Variants in CHODL observed in about 807,000 individuals in gnomAD.
CHODL encodes the protein transmembrane protein MT75.
Under a neutral mutation model 34.5 loss-of-function variants are expected in CHODL, and 29 were observed. That is an observed-to-expected ratio of 0.84 (90% CI 0.63 to 1.15). The LOEUF is 1.15. Among genes scored for constraint, CHODL ranks in the 50% most tolerant of loss-of-function variants. The pLI is 0.00. For synonymous variants in CHODL, 125 were observed against 116.1 expected (o/e 1.08, Z -0.49); for missense variants, 332 against 332.5 (o/e 1.00, Z 0.01).
chr21:17,981,469 G>C (rs1220813386), intron 1 of CHODL, among the ~76,000 whole-genome samples: 1 of 152,178 alleles, frequency 6.6e-6, no homozygotes, highest in Non-Finnish European at 1.5e-5. Flanking sequence ...GGAAACAGAA[G>C]TGACAGCTGA....
chr21:17,956,349 C>T (rs1433858012), intron 1 of CHODL, among the ~76,000 whole-genome samples: 1 of 136,214 alleles, frequency 7.3e-6, no homozygotes, highest in Non-Finnish European at 1.7e-5. Flanking sequence ...AATTGAAAGC[C>T]TCCTGAGGCC....
intron 2 of CHODL, among the ~76,000 whole-genome samples, chr21:18,093,820 A>T (rs1033603854): frequency 3.3e-5 from 5 of 152,126 alleles, no homozygotes; most frequent in African/African-American, 1.2e-4. Flanking sequence ...AGGAAAGAAG[A>T]AAGAGACGAC....
intron 2 of CHODL, among the ~76,000 whole-genome samples, chr21:18,206,287 T>C (rs547801434): frequency 6.6e-6 from 1 of 152,318 alleles, no homozygotes; most frequent in Admixed American, 6.5e-5. Context: ...TTAGCTTTAA[T>C]AATATTTGCT....
At chr21:18,247,074 T>C (rs2074150218) in intron 1 of CHODL, among the ~76,000 whole-genome samples, 1 of 152,204 alleles carries the variant, frequency 6.6e-6, no homozygotes, top group South Asian at 2.1e-4. Context: ...ATAAATTGAT[T>C]TGTGACTTTT....
chr21:18,006,008 C>T (rs1205691437), intron 1 of CHODL, among the ~76,000 whole-genome samples: 2 of 152,124 alleles, frequency 1.3e-5, no homozygotes, highest in South Asian at 2.1e-4. Flanking sequence ...GTGCTGTTCT[C>T]AAGATAGTGA....
upstream of CHODL, among the ~76,000 whole-genome samples, chr21:18,244,319 G>A (rs2074110125): frequency 6.6e-6 from 1 of 152,098 alleles, no homozygotes; most frequent in South Asian, 2.1e-4. Context: ...TGCTCTTGTG[G>A]CAGTTTTCGT....
At chr21:18,230,929 A>AT (rs201892839) in intron 2 of CHODL, among the ~76,000 whole-genome samples, 2 of 151,906 alleles carry the variant, frequency 1.3e-5, no homozygotes, top group East Asian at 1.9e-4. Context: ...CTATTTTATG[A>AT]TTTTTTTTCT....
In CHODL at chr21:18,260,241, A is replaced by G; in HGVS notation, c.589A>G (p.Asn197Asp). 2 of 1,582,578 alleles carry G rather than the reference A, an allele frequency of 1.3e-6. No homozygotes were observed. Among genetic ancestry groups the G allele is most frequent in the Non-Finnish European group, 1.7e-6 (2 of 1,167,424 alleles). The change falls in exon 4 of 6, where the codon AAT becomes GAT. Residue 197 changes from asparagine (N) to aspartate (D), a missense_variant. By Grantham distance (23) the Asn-to-Asp change is conservative. Transcript: ENST00000299295. ...TAPVEKPYLT[N>D]QPGDTHQNVV... The stretch of plus-strand genomic sequence containing the variant: ...CCCTGTAGAAAAGCCTTATCTTACA[A>G]ATCAACCAGGAGACACCCATCAGAA...
At chr21:18,005,900 C>T (rs1056116895) in intron 1 of CHODL, among the ~76,000 whole-genome samples, 4 of 152,184 alleles carry the variant, frequency 2.6e-5, no homozygotes, top group Non-Finnish European at 5.9e-5. Context: ...GCTATGTCCC[C>T]ACCCAAATCT....
intron 2 of CHODL, among the ~76,000 whole-genome samples, chr21:18,052,777 C>T (rs1220275050): frequency 6.6e-6 from 1 of 151,870 alleles, no homozygotes; most frequent in African/African-American, 2.4e-5. Flanking sequence ...CATCTCTGAC[C>T]AATATTTGGA....
chr21:18,076,420 A>G (rs1027566983), intron 2 of CHODL, among the ~76,000 whole-genome samples: 8 of 152,222 alleles, frequency 5.3e-5, no homozygotes, highest in African/African-American at 1.7e-4. Flanking sequence ...TGTAAGATGA[A>G]ATTGGATATT....
intron 2 of CHODL, among the ~76,000 whole-genome samples, chr21:18,202,097 G>A (rs1004917899): frequency 2.0e-5 from 3 of 152,196 alleles, no homozygotes; most frequent in South Asian, 2.1e-4. Context: ...CAGCCACGGC[G>A]CCCGGCCTAC....
rs71318108 is a variant in CHODL at position 17,923,462 on chromosome 21, G to GTTTTT, written c.-145+6075_-145+6079dup. Among the ~76,000 whole-genome samples the GTTTTT allele has an allele frequency of 9.2e-5, 12 of 130,668 alleles. 1 individual carries two copies. Among genetic ancestry groups the GTTTTT allele is most frequent in the East Asian group, 9.0e-4 (4 of 4,450 alleles). The allele number at this position is 130,668 out of a possible 152,430, so 85.7% of individuals were successfully genotyped here. A position where few individuals can be genotyped will look rare whatever the true frequency, so the allele number is the denominator to read the frequency against. On this transcript the variant is annotated intron_variant, in intron 1 of 6. Transcript: ENST00000400127. Reference sequence around the variant, plus strand: ...ATATAACATTTTCCCTAATTCTTCAGTTTTTTTTTTTTTTTTTGAGACGAA... The same window carrying GTTTTT: ...ATATAACATTTTCCCTAATTCTTCAGTTTTTTTTTTTTTTTTTTTTTTGAGACGAA...
chr21:18,251,651 A>G (rs868753519), intron 1 of CHODL, among the ~76,000 whole-genome samples: 5 of 90,138 alleles, frequency 5.5e-5, no homozygotes, highest in Non-Finnish European at 9.9e-5. Flanking sequence ...TTAATATATA[A>G]AATATTTATT....
intron 2 of CHODL, among the ~76,000 whole-genome samples, chr21:18,220,184 T>G (rs927201454): frequency 3.9e-5 from 6 of 152,220 alleles, no homozygotes; most frequent in Non-Finnish European, 8.8e-5. Context: ...GGAATATCTT[T>G]TTTTCATCCC....
In CHODL at chr21:18,157,403, T is replaced by C. The variant is rs546056344; in HGVS notation, c.-44-99106T>C. Among the ~76,000 whole-genome samples the C allele has an allele frequency of 3.9e-5, 6 of 152,380 alleles. No homozygotes were observed. The South Asian group carries it at 1.0e-3, about 26-fold the overall frequency. On this transcript the variant is annotated intron_variant, in intron 2 of 6. Transcript: ENST00000400127. ...AAAAAAGAAATGAGATTACATATTC[T>C]GATAACAGTGATGAGAAGAACAAAT...
At chr21:18,041,830 T>C (rs542160819) in intron 2 of CHODL, among the ~76,000 whole-genome samples, 1 of 151,882 alleles carries the variant, frequency 6.6e-6, no homozygotes. Flanking sequence ...TCAATTCTAC[T>C]CTAGTGGCAA....
intron 2 of CHODL, among the ~76,000 whole-genome samples, chr21:18,031,421 T>TA (rs2064246382): frequency 6.6e-6 from 1 of 152,056 alleles, no homozygotes; most frequent in African/African-American, 2.4e-5. Context: ...TTGGTAATAA[T>TA]AGAGAAGAAG....
At chr21:17,989,506 A>G (rs2063780253) in intron 1 of CHODL, among the ~76,000 whole-genome samples, 1 of 152,154 alleles carries the variant, frequency 6.6e-6, no homozygotes, top group African/African-American at 2.4e-5. Context: ...ACTGAAGAAG[A>G]TTTATATTAG....
Sources: gnomAD v4.1 joint callset for allele counts (sites outside exome capture counted in the v4.1 genomes callset) on GRCh38, gnomAD v4.1.1 for gene constraint, MANE v1.5 for transcripts, NCBI Gene and HGNC (gene_info 2026-07-23, HGNC 2026-07-21) for gene names.